TNIP1: variants seen among roughly 807,000 people sequenced by gnomAD.
The protein encoded by TNIP1 is TNFAIP3-interacting protein 1.
In TNIP1, 22 loss-of-function variants were observed where a neutral mutation model predicts 86.6. That is an observed-to-expected ratio of 0.25 (90% CI 0.18 to 0.36). The LOEUF is 0.36. Ranked by LOEUF, TNIP1 falls within the 10% of genes least tolerant of loss-of-function variation. The probability of loss-of-function intolerance (pLI) is 1.00; values close to 1 mark genes in which losing one functional copy is unlikely to be tolerated. For synonymous variants in TNIP1, 294 were observed against 313.0 expected, an observed-to-expected ratio of 0.94 and a Z score of 0.64; for missense variants, 709 against 820.6, an observed-to-expected ratio of 0.86 and a Z score of 1.66.
At chr5:151,062,960 G>A (rs147659927) in intron 3 of TNIP1, among the ~76,000 whole-genome samples, 11 of 152,310 alleles carry the variant, frequency 7.2e-5, no homozygotes, top group African/African-American at 2.2e-4. Flanking sequence ...GCTGAGGTGC[G>A]GATCATTTCC....
chr5:151,060,578 C>T (rs1761433222), intron 4 of TNIP1, among the ~76,000 whole-genome samples, 183 bp from the exon 5 acceptor site: 1 of 152,240 alleles, frequency 6.6e-6, no homozygotes, highest in South Asian at 2.1e-4. Context: ...TCATAGCCCT[C>T]TGCATAATGT....
rs924989443 is a variant in TNIP1, at chr5:151,059,069, T to C, written c.435+1249A>G. Among the ~76,000 whole-genome samples the C allele has an allele frequency of 3.3e-5, 5 of 152,346 alleles. 1 individual carries two copies. In the South Asian group the frequency reaches 1.0e-3, roughly 32 times the overall value. The stretch of plus-strand genomic sequence containing the variant: ...CAGATGCTGCTCTATTTAAGGCTCA[T>C]GCGATGCTTCCCATGCCTGCGACTT... On this transcript the variant is annotated intron_variant, in intron 5 of 17. Transcript: ENST00000521591.
chr5:151,083,758 A>G (rs1195982978), upstream of TNIP1, among the ~76,000 whole-genome samples: 2 of 152,178 alleles, frequency 1.3e-5, no homozygotes, highest in East Asian at 3.8e-4. Flanking sequence ...ACCCAAATAC[A>G]CATTTGAAGG....
chr5:151,085,068 T>G (rs1238420722), upstream of TNIP1, among the ~76,000 whole-genome samples: 3 of 152,190 alleles, frequency 2.0e-5, no homozygotes, highest in African/African-American at 7.2e-5. Flanking sequence ...AGTTGTATCT[T>G]CAGAGGTTTT....
At chr5:151,041,075 T>TA (rs1581755227) in intron 11 of TNIP1, among the ~76,000 whole-genome samples, 1 of 151,448 alleles carries the variant, frequency 6.6e-6, no homozygotes, top group East Asian at 1.9e-4. Flanking sequence ...GTAGTACTTT[T>TA]TTTTTTTTTT....
At chr5:151,039,524 C>T (rs1465378387) in intron 11 of TNIP1, among the ~76,000 whole-genome samples, 5 of 152,148 alleles carry the variant, frequency 3.3e-5, no homozygotes, top group African/African-American at 1.2e-4. Context: ...CTGCCACAGC[C>T]CTCTCTTGTC....
At chr5:151,064,633 G>A (rs1271742308) in intron 2 of TNIP1, among the ~76,000 whole-genome samples, 2 of 152,082 alleles carry the variant, frequency 1.3e-5, no homozygotes, top group African/African-American at 2.4e-5. Context: ...CCCATCTCTC[G>A]TGCCCCAGAA....
intron 1 of TNIP1, among the ~76,000 whole-genome samples, chr5:151,076,544 C>T (rs902483791): frequency 3.3e-5 from 5 of 152,158 alleles, no homozygotes; most frequent in Admixed American, 2.6e-4. Flanking sequence ...TCGGCAAAGG[C>T]GAACAGACGT....
intron 17 of TNIP1, among the ~76,000 whole-genome samples, chr5:151,031,019 G>A (rs1008886982): frequency 2.6e-5 from 4 of 152,148 alleles, no homozygotes; most frequent in African/African-American, 9.7e-5. Context: ...AGGAAATAGT[G>A]GGGCTAGGAT....
At chr5:151,064,092 A>T (rs1240504954) in intron 2 of TNIP1, among the ~76,000 whole-genome samples, 1 of 152,114 alleles carries the variant, frequency 6.6e-6, no homozygotes, top group African/African-American at 2.4e-5. Flanking sequence ...CCCCCACCCT[A>T]CGGGCTACCC....
chr5:151,071,153 C>T (rs1371930270), intron 1 of TNIP1, among the ~76,000 whole-genome samples: 1 of 152,180 alleles, frequency 6.6e-6, no homozygotes, highest in Non-Finnish European at 1.5e-5. Flanking sequence ...GCTGGGCTCT[C>T]CTGATGGCTG....
At chr5:151,072,282 G>A (rs888960620) in intron 1 of TNIP1, among the ~76,000 whole-genome samples, 1 of 152,164 alleles carries the variant, frequency 6.6e-6, no homozygotes, top group African/African-American at 2.4e-5. Flanking sequence ...CCTAGCCCCT[G>A]CCTTTATATG....
chr5:151,045,954 G>T lies in TNIP1; in HGVS notation c.847-4C>A. The T allele has an allele frequency of 6.2e-7, 1 of 1,613,888 alleles. No individual in the cohort carries two copies. The highest frequency in any genetic ancestry group is 1.1e-5 in the South Asian group (1 of 91,064). Reference sequence around the variant, plus strand: ...CCTTACCTGCCGTCACACTAGCCTGGGGAGAAGCACAGAGGAGCCTTCACC... The same window carrying T: ...CCTTACCTGCCGTCACACTAGCCTGTGGAGAAGCACAGAGGAGCCTTCACC... On this transcript the variant is annotated splice_polypyrimidine_tract_variant and splice_region_variant and intron_variant, in intron 8 of 17. Coordinates refer to ENST00000521591, the MANE Select transcript of TNIP1 (RefSeq NM_006058.5).
rs542324996 is a variant in TNIP1 at position 151,064,925 on chromosome 5, G to T, written c.136+35C>A. On this transcript the variant is annotated intron_variant, in intron 2 of 17. Transcript: ENST00000521591. ...GACTGGCATCACAGTCTGCAGGGAG[G>T]GGCGCTCGCAGGGAGGGGACAGGGT... 43 of 1,613,044 alleles carry T rather than the reference G, an allele frequency of 2.7e-5. No individual in the cohort carries two copies. In the African/African-American group the frequency reaches 4.1e-4, roughly 16 times the overall value.
intron 1 of TNIP1, among the ~76,000 whole-genome samples, chr5:151,065,831 C>T (rs967674086): frequency 6.6e-6 from 1 of 152,212 alleles, no homozygotes; most frequent in South Asian, 2.1e-4. Context: ...TGGTCTGTCC[C>T]TTGCAGTTCT....
rs1445218544 is a variant in TNIP1, at chr5:151,060,324, A to G, written c.429T>C (p.Asn143=). 6.2e-7 allele frequency: 1 copy of G among 1,614,108 alleles called. No individual in the cohort carries two copies. The highest frequency in any genetic ancestry group is 1.3e-5 in the African/African-American group (1 of 75,036). ...QNSPESSSHA[N]AMALGPLPRE... is the part of the protein sequence containing the mutation. ...GTCCTGCCCGTCCACTCACCATCGC[A>G]TTGGCATGGCTGCTGCTCTCTGGTG... The change falls in exon 5 of 18, where the codon AAT becomes AAC. Residue 143 remains asparagine, a synonymous_variant. Coordinates refer to ENST00000521591, the MANE Select transcript of TNIP1 (RefSeq NM_006058.5).
chr5:151,057,579 T>C (rs1235575959), intron 5 of TNIP1, among the ~76,000 whole-genome samples: 4 of 152,106 alleles, frequency 2.6e-5, no homozygotes, highest in Admixed American at 6.6e-5. Flanking sequence ...TAGCTGGGCA[T>C]GGTGGCACGT....
intron 3 of TNIP1, 126 bp downstream of exon 3, chr5:151,063,487 G>A: frequency 7.2e-7 from 1 of 1,384,658 alleles, no homozygotes; most frequent in Non-Finnish European, 9.9e-7. Context: ...ATGAATGGAA[G>A]GGTAGCCTGT....
chr5:151,058,360 C>T (rs950505364), intron 5 of TNIP1, among the ~76,000 whole-genome samples: 11 of 152,184 alleles, frequency 7.2e-5, no homozygotes, highest in African/African-American at 2.4e-4. Flanking sequence ...TAAAGCACAC[C>T]GTGGGCCAGA....
Sources: gnomAD v4.1 joint callset for allele counts (sites outside exome capture counted in the v4.1 genomes callset) on GRCh38, gnomAD v4.1.1 for gene constraint, MANE v1.5 for transcripts, NCBI Gene and HGNC (gene_info 2026-07-23, HGNC 2026-07-21) for gene names.